Variants in TAS1R3 observed in about 807,000 individuals in gnomAD.
The protein encoded by TAS1R3 is taste 1 receptor member 3.
In TAS1R3, 58 loss-of-function variants were observed where a neutral mutation model predicts 46.1. That is an observed-to-expected ratio of 1.26 (90% CI 1.02 to 1.57). TAS1R3 has a LOEUF of 1.57. TAS1R3 is among the 40% of genes most tolerant of loss of function. TAS1R3 has a pLI of 0.00. For missense variants in TAS1R3, 1,422 were observed against 1,185.8 expected (o/e 1.20, Z -2.93); for synonymous variants, 724 against 544.7 (o/e 1.33, Z -4.58).
At position 1,331,717 on chromosome 1, in the gene TAS1R3, C is replaced by T; in HGVS notation, c.271C>T (p.Pro91Ser). 6.2e-7 allele frequency: 1 copy of T among 1,612,950 alleles called. No homozygotes were observed. The highest frequency in any genetic ancestry group is 2.2e-5 in the East Asian group (1 of 44,886). ...GATCAACAACAAGTCGGATCTGCTG[C>T]CCGGGCTGCGCCTGGGCTACGACCT... ...EEINNKSDLL[P>S]GLRLGYDLFD... The change falls in exon 2 of 6, where the codon CCC becomes TCC. Residue 91 changes from proline to serine, a missense_variant. Physicochemically the swap from Pro to Ser is moderately conservative, Grantham distance 74. Transcript: ENST00000339381.
chr1:1,334,052 C>T lies in TAS1R3; in HGVS notation c.2147C>T (p.Thr716Met), dbSNP rs147441599. The T allele has an allele frequency of 8.6e-5, 138 of 1,601,080 alleles. 1 individual carries two copies. The Middle Eastern group carries it at 1.2e-3, about 14-fold the overall frequency. Residue 716 changes from threonine to methionine, a missense_variant, in exon 6 of 6, where the codon ACG becomes ATG. By Grantham distance (81) the Thr-to-Met change is moderately conservative. Coordinates refer to ENST00000339381, the MANE Select transcript of TAS1R3 (RefSeq NM_152228.3). The stretch of plus-strand genomic sequence containing the variant: ...GTGACGGACTGGCACATGCTGCCCA[C>T]GGAGGCGCTGGTGCACTGCCGCACA... ...EVVTDWHMLPTEALVHCRTRS... is the reference protein window; with the variant it reads ...EVVTDWHMLPMEALVHCRTRS...
At position 1,332,814 on chromosome 1, in the gene TAS1R3, C is replaced by A. The variant is rs202024679; in HGVS notation, c.1275+8C>A. 6.2e-7 allele frequency: 1 copy of A among 1,600,866 alleles called. No individual in the cohort carries two copies. The highest frequency in any genetic ancestry group is 8.5e-7 in the Non-Finnish European group (1 of 1,174,304). ...CCCGTGAAGCCCTGGCAGGTGAGCC[C>A]GGGAGATGGGGGTGTGCTGTCCTCT... On this transcript the variant is annotated splice_region_variant and intron_variant, in intron 3 of 5. Transcript: ENST00000339381.
In TAS1R3 at chr1:1,332,310, T is replaced by C. The variant is rs1189981735; in HGVS notation, c.779T>C (p.Leu260Pro). 2.5e-6 allele frequency: 4 copies of C among 1,578,352 alleles called. No homozygotes were observed. The highest frequency in any genetic ancestry group is 2.6e-6 in the Non-Finnish European group (3 of 1,163,050). The change falls in exon 3 of 6, where the codon CTG (leucine) becomes CCG (proline). Residue 260 changes from leucine to proline, a missense_variant. Physicochemically the swap from Leu to Pro is moderately conservative, Grantham distance 98 (BLOSUM62 -3). Transcript: ENST00000339381. ...DSRLGKVQDV[L>P]HQVNQSSVQV... is the part of the protein sequence containing the mutation. Reference sequence around the variant, plus strand: ...CGGCTGGGGAAGGTGCAGGACGTCCTGCACCAGGTGAACCAGAGCAGCGTG... The same window carrying C: ...CGGCTGGGGAAGGTGCAGGACGTCCCGCACCAGGTGAACCAGAGCAGCGTG...
rs1249855529 is a variant in TAS1R3 at position 1,332,145 on chromosome 1, G to C, written c.614G>C (p.Gly205Ala). ...GCCGCGGAGCTGCTGCAGGAGTTCG[G>C]CTGGAACTGGGTGGCCGCCCTGGGC... ...TAAAELLQEF[G>A]WNWVAALGSD... is the part of the protein sequence containing the mutation. The change falls in exon 3 of 6, where the codon GGC becomes GCC. Residue 205 changes from glycine (G) to alanine (A), a missense_variant. Gly to Ala is a moderately conservative substitution (Grantham distance 60). Coordinates refer to ENST00000339381, the MANE Select transcript of TAS1R3 (RefSeq NM_152228.3). 4 of 1,598,756 alleles carry C rather than the reference G, an allele frequency of 2.5e-6. No individual in the cohort carries two copies. In the South Asian group the frequency reaches 3.3e-5, roughly 13 times the overall value.
In TAS1R3 at chr1:1,334,641, A is replaced by T; in HGVS notation, c.*177A>T. On this transcript the variant is annotated 3_prime_UTR_variant, in exon 6 of 6. Transcript: ENST00000339381. ...CCTGGAGCACGTGGACACCCCTGTG[A>T]CCATCTGGGCCCCAGAGCCAAGCTG... 1.4e-6 allele frequency: 1 copy of T among 698,086 alleles called. No individual in the cohort carries two copies. The highest frequency in any genetic ancestry group is 2.3e-6 in the Non-Finnish European group (1 of 432,588). The allele number at this position is 698,086 out of a possible 1,614,324, so 43.2% of individuals were successfully genotyped here.
Position 1,331,887 on chromosome 1 carries a change from A to C in TAS1R3, c.441A>C (p.Ser147=). 4 of 1,612,742 alleles carry C rather than the reference A, an allele frequency of 2.5e-6. No individual in the cohort carries two copies. ...TGGCTGTCATCGGGCCCCACTCGTC[A>C]GAGCTCGCCATGGTCACCGGCAAGT... ...RVLAVIGPHS[S]ELAMVTGKFF... is the part of the protein sequence containing the mutation. The change falls in exon 2 of 6, where the codon TCA becomes TCC. Residue 147 remains serine, a synonymous_variant. Coordinates refer to ENST00000339381, the MANE Select transcript of TAS1R3 (RefSeq NM_152228.3).
chr1:1,333,680 A>G lies in TAS1R3; in HGVS notation c.1775A>G (p.His592Arg), dbSNP rs747830852. The G allele has an allele frequency of 4.3e-6, 7 of 1,611,630 alleles. No individual in the cohort carries two copies. The highest frequency in any genetic ancestry group is 5.9e-6 in the Non-Finnish European group (7 of 1,179,812). The change falls in exon 6 of 6, where the codon CAC becomes CGC. Residue 592 changes from histidine to arginine, a missense_variant. Physicochemically the swap from His to Arg is conservative, Grantham distance 29. Transcript: ENST00000339381. ...CTGGCTGCTTTGGGGCTGTTCGTTCACCATCGGGACAGCCCACTGGTTCAG... is the reference window on the plus strand; with the variant it reads ...CTGGCTGCTTTGGGGCTGTTCGTTCGCCATCGGGACAGCCCACTGGTTCAG... ...LVLAALGLFV[H>R]HRDSPLVQAS...
Position 1,333,882 on chromosome 1 carries a change from C to T in TAS1R3, c.1977C>T (p.Phe659=), listed in dbSNP as rs142902721. The T allele has an allele frequency of 4.0e-4, 639 of 1,600,480 alleles. 2 individuals are homozygous for T. The East Asian group carries it at 0.01, about 26-fold the overall frequency. The part of the protein sequence containing the change: ...STLFLQAAEI[F]VESELPLSWA... ...TCTTCCTGCAGGCGGCCGAGATCTTCGTGGAGTCAGAACTGCCTCTGAGCT... is the reference window on the plus strand; with the variant it reads ...TCTTCCTGCAGGCGGCCGAGATCTTTGTGGAGTCAGAACTGCCTCTGAGCT... The change falls in exon 6 of 6, where the codon TTC becomes TTT. Residue 659 remains phenylalanine, a synonymous_variant. Transcript: ENST00000339381.
Position 1,333,384 on chromosome 1 carries a change from G to C in TAS1R3, c.1600+5G>C. The C allele has an allele frequency of 1.2e-6, 2 of 1,611,748 alleles. No homozygotes were observed. The highest frequency in any genetic ancestry group is 1.6e-4 in the Middle Eastern group (1 of 6,062). ...GCAGCTACCGGCAAAACCCAGGTGA[G>C]CCGCCTTCCCGGCAGGCGGGGGTGG... On this transcript the variant is annotated splice_donor_5th_base_variant and intron_variant, in intron 5 of 5. Coordinates refer to ENST00000339381, the MANE Select transcript of TAS1R3 (RefSeq NM_152228.3).
At position 1,332,113 on chromosome 1, in the gene TAS1R3, G is replaced by T. The variant is rs1224334604; in HGVS notation, c.582G>T (p.Leu194=). Residue 194 remains leucine, a synonymous_variant, in exon 3 of 6, where the codon CTG becomes CTT. Transcript: ENST00000339381. ...CCGTGCCCAGCGACCGTGTGCAGCT[G>T]ACGGCCGCCGCGGAGCTGCTGCAGG... ...FRTVPSDRVQ[L]TAAAELLQEF... 1.2e-6 allele frequency: 2 copies of T among 1,600,046 alleles called. No homozygotes were observed. Among genetic ancestry groups the T allele is most frequent in the South Asian group, 2.2e-5 (2 of 91,054 alleles).
chr1:1,334,151 T>C lies in TAS1R3; in HGVS notation c.2246T>C (p.Phe749Ser), dbSNP rs79148073. The C allele has an allele frequency of 3.0e-4, 478 of 1,584,126 alleles. No homozygotes were observed. The highest frequency in any genetic ancestry group is 5.2e-4 in the Admixed American group (29 of 55,318). The change falls in exon 6 of 6, where the codon TTC becomes TCC. Residue 749 changes from phenylalanine to serine, a missense_variant. Coordinates refer to ENST00000339381, the MANE Select transcript of TAS1R3 (RefSeq NM_152228.3). The part of the protein sequence containing the change: ...TLAFLCFLGT[F>S]LVRSQPGCYN... ...GCCTTTCTCTGCTTCCTGGGCACTT[T>C]CCTGGTGCGGAGCCAGCCGGGCTGC... is the stretch of plus-strand genomic sequence containing the variant.
chr1:1,334,376 A>G lies in TAS1R3; in HGVS notation c.2471A>G (p.Asn824Ser). Residue 824 changes from asparagine (N) to serine (S), a missense_variant, in exon 6 of 6, where the codon AAC becomes AGC. Transcript: ENST00000339381. The stretch of plus-strand genomic sequence containing the variant: ...CTGCTCATGCGGCAGCCAGGGCTCA[A>G]CACCCCCGAGTTCTTCCTGGGAGGG... ...CYLLMRQPGL[N>S]TPEFFLGGGP... 5 of 1,611,118 alleles carry G rather than the reference A, an allele frequency of 3.1e-6. No homozygotes were observed. The highest frequency in any genetic ancestry group is 4.2e-6 in the Non-Finnish European group (5 of 1,179,174).
At position 1,334,893 on chromosome 1, in the gene TAS1R3, G is replaced by A. The variant is rs571207152; in HGVS notation, c.*429G>A. 18 of 168,324 alleles carry A rather than the reference G, an allele frequency of 1.1e-4. No individual in the cohort carries two copies. The South Asian group carries it at 2.9e-3, about 27-fold the overall frequency. 10.4% of individuals were successfully genotyped at this position (168,324 alleles called of 1,614,324 possible). A position where few individuals can be genotyped will look rare whatever the true frequency, so the allele number is the denominator to read the frequency against. Reference sequence around the variant, plus strand: ...CTGCACCCTGCCAGGCACCACAGCAGTGGGAGGCCAGGTGGGGGCACACAG... The same window carrying A: ...CTGCACCCTGCCAGGCACCACAGCAATGGGAGGCCAGGTGGGGGCACACAG... On this transcript the variant is annotated 3_prime_UTR_variant, in exon 6 of 6. Transcript: ENST00000339381.
chr1:1,331,370 C>A lies in TAS1R3; in HGVS notation c.25C>A (p.Leu9Ile). The change falls in exon 1 of 6, where the codon CTC becomes ATC. Residue 9 changes from leucine to isoleucine, a missense_variant. Coordinates refer to ENST00000339381, the MANE Select transcript of TAS1R3 (RefSeq NM_152228.3). ...CATGCTGGGCCCTGCTGTCCTGGGCCTCAGCCTCTGGGCTCTCCTGCACCC... is the reference window on the plus strand; with the variant it reads ...CATGCTGGGCCCTGCTGTCCTGGGCATCAGCCTCTGGGCTCTCCTGCACCC... MLGPAVLG[L>I]SLWALLHPGT... 1 of 1,598,762 alleles carries A rather than the reference C, an allele frequency of 6.3e-7. No individual in the cohort carries two copies. The highest frequency in any genetic ancestry group is 8.5e-7 in the Non-Finnish European group (1 of 1,173,464).
In TAS1R3 at chr1:1,332,668, G is replaced by C; in HGVS notation, c.1137G>C (p.Gln379His). The change falls in exon 3 of 6, where the codon CAG becomes CAC. Residue 379 changes from glutamine to histidine, a missense_variant. Transcript: ENST00000339381. ...RCPQCDCITL[Q>H]NVSAGLNHHQ... Reference sequence around the variant, plus strand: ...CGCAGTGTGACTGCATCACGCTGCAGAACGTGAGCGCAGGGCTAAATCACC... The same window carrying C: ...CGCAGTGTGACTGCATCACGCTGCACAACGTGAGCGCAGGGCTAAATCACC... 1 of 1,606,190 alleles carries C rather than the reference G, an allele frequency of 6.2e-7. No homozygotes were observed. Among genetic ancestry groups the C allele is most frequent in the Non-Finnish European group, 8.5e-7 (1 of 1,179,550 alleles).
At position 1,334,349 on chromosome 1, in the gene TAS1R3, A is replaced by G. The variant is rs553610288; in HGVS notation, c.2444A>G (p.Tyr815Cys). Residue 815 changes from tyrosine (Y) to cysteine (C), a missense_variant, in exon 6 of 6, where the codon TAC becomes TGC. Physicochemically the swap from Tyr to Cys is radical, Grantham distance 194. Transcript: ENST00000339381. ...ILAAFHLPRCYLLMRQPGLNT... is the reference protein window; with the variant it reads ...ILAAFHLPRCCLLMRQPGLNT... ...GCTGCCTTCCACCTGCCCAGGTGTTACCTGCTCATGCGGCAGCCAGGGCTC... is the reference window on the plus strand; with the variant it reads ...GCTGCCTTCCACCTGCCCAGGTGTTGCCTGCTCATGCGGCAGCCAGGGCTC... 3.7e-6 allele frequency: 6 copies of G among 1,611,132 alleles called. No homozygotes were observed. Among genetic ancestry groups the G allele is most frequent in the Middle Eastern group, 1.7e-4 (1 of 6,050 alleles).
At chr1:1,332,883 G>T (rs1557656976) in intron 3 of TAS1R3, 38 bp from the exon 4 acceptor site, 2 of 1,590,384 alleles carry the variant, frequency 1.3e-6, no homozygotes, top group South Asian at 1.1e-5. Context: ...GCCTGAGCTG[G>T]AGGTGGCTGG....
rs143394629 is a variant in TAS1R3, at chr1:1,334,182, C to A, written c.2277C>A (p.Asn759Lys). 1.2e-5 allele frequency: 19 copies of A among 1,598,566 alleles called. No individual in the cohort carries two copies. The African/African-American group carries it at 1.9e-4, about 16-fold the overall frequency. ...FLVRSQPGCY[N>K]RARGLTFAML... ...TGCGGAGCCAGCCGGGCTGCTACAA[C>A]CGTGCCCGTGGCCTCACCTTTGCCA... Residue 759 changes from asparagine to lysine, a missense_variant, in exon 6 of 6, where the codon AAC becomes AAA. Physicochemically the swap from Asn to Lys is moderately conservative, Grantham distance 94. Transcript: ENST00000339381.
rs200679891 is a variant in TAS1R3 at position 1,333,574 on chromosome 1, C to T, written c.1669C>T (p.Arg557Cys). The change falls in exon 6 of 6, where the codon CGC becomes TGC. Residue 557 changes from arginine (R) to cysteine (C), a missense_variant. Arg to Cys is a radical substitution (Grantham distance 180, BLOSUM62 -3). Coordinates refer to ENST00000339381, the MANE Select transcript of TAS1R3 (RefSeq NM_152228.3). ...GGAGCGAAGCACACGCTGCTTCCGC[C>T]GCAGGTCTCGGTTCCTGGCATGGGG... is the stretch of plus-strand genomic sequence containing the variant. Reference protein sequence around the residue: ...SPERSTRCFRRRSRFLAWGEP... With the variant: ...SPERSTRCFRCRSRFLAWGEP... The T allele has an allele frequency of 2.6e-4, 412 of 1,606,468 alleles. No individual in the cohort carries two copies. The highest frequency in any genetic ancestry group is 3.3e-4 in the Non-Finnish European group (394 of 1,179,900).
Sources: allele counts gnomAD v4.1 joint callset, GRCh38; gene constraint gnomAD v4.1.1; transcripts MANE v1.5; gene names NCBI Gene and HGNC (gene_info 2026-07-23, HGNC 2026-07-21).